The following SLCO3A1 variants were observed in gnomAD, a reference collection of about 807,000 sequenced individuals.
The protein encoded by SLCO3A1 is PGE1 transporter.
SLCO3A1 carries 27 observed loss-of-function variants against 63.1 expected under a neutral mutation model. The observed-to-expected ratio is 0.43, with a 90% CI of 0.32 to 0.59. The LOEUF (loss-of-function observed/expected upper bound fraction) is 0.59, where lower values mean the gene tolerates loss of function less well. SLCO3A1 is among the 20% of genes least tolerant of loss of function. SLCO3A1 has a pLI of 0.09. For missense variants in SLCO3A1, 773 were observed against 945.8 expected (o/e 0.82, Z 2.40); for synonymous variants, 473 against 409.9 (o/e 1.15, Z -1.86).
At chr15:92,093,003 A>G in intron 2 of SLCO3A1, among the ~76,000 whole-genome samples, 1 of 152,116 alleles carries the variant, frequency 6.6e-6, no homozygotes, top group Admixed American at 6.5e-5. Flanking sequence ...CTGAGGGTGG[A>G]CTCAGCCCTG....
At chr15:92,124,898 A>G (rs2047903322) in intron 5 of SLCO3A1, among the ~76,000 whole-genome samples, 1 of 152,096 alleles carries the variant, frequency 6.6e-6, no homozygotes, top group Non-Finnish European at 1.5e-5. Flanking sequence ...TAGGGAGAGA[A>G]AGGAGGGACA....
intron 3 of SLCO3A1, among the ~76,000 whole-genome samples, chr15:92,101,968 T>C (rs1397296761): frequency 6.6e-6 from 1 of 152,124 alleles, no homozygotes. Flanking sequence ...TCGCCATCCC[T>C]CTCCCTGGGT....
chr15:91,870,735 C>T (rs1354961910), intron 1 of SLCO3A1, among the ~76,000 whole-genome samples: 3 of 152,114 alleles, frequency 2.0e-5, no homozygotes, highest in Non-Finnish European at 4.4e-5. Flanking sequence ...CTGCATTCAC[C>T]ATGTTTATTT....
At chr15:92,169,204 A>C (rs1031940141), downstream of SLCO3A1, among the ~76,000 whole-genome samples, 1 of 152,230 alleles carries the variant, frequency 6.6e-6, no homozygotes, top group Non-Finnish European at 1.5e-5. Context: ...CAGGGGAAGA[A>C]AATGAGACTC....
intron 1 of SLCO3A1, among the ~76,000 whole-genome samples, chr15:91,874,003 C>T (rs28475884): frequency 7.2e-5 from 11 of 151,770 alleles, no homozygotes; most frequent in Non-Finnish European, 1.5e-4. Context: ...TAGTAGTCCC[C>T]CTTGCTCTTG....
At chr15:91,901,608 C>A (rs1359376141) in intron 1 of SLCO3A1, among the ~76,000 whole-genome samples, 1 of 152,168 alleles carries the variant, frequency 6.6e-6, no homozygotes, top group African/African-American at 2.4e-5. Context: ...CAAATGAAAG[C>A]TTTGCCGGAT....
chr15:91,888,842 C>CA (rs955929805), intron 1 of SLCO3A1, among the ~76,000 whole-genome samples: 8 of 151,130 alleles, frequency 5.3e-5, no homozygotes, highest in East Asian at 3.9e-4. Flanking sequence ...CAAAACAAAA[C>CA]AAAAAAAACA....
At chr15:91,915,686 G>A (rs1199395287) in intron 1 of SLCO3A1, among the ~76,000 whole-genome samples, 1 of 152,100 alleles carries the variant, frequency 6.6e-6, no homozygotes, top group Non-Finnish European at 1.5e-5. Flanking sequence ...GAGGTCTGTG[G>A]GGGTGGGGAA....
At chr15:91,973,039 C>T (rs1204956270) in intron 2 of SLCO3A1, among the ~76,000 whole-genome samples, 7 of 152,138 alleles carry the variant, frequency 4.6e-5, no homozygotes, top group South Asian at 2.1e-4. Context: ...CGCTTGAACC[C>T]GGGAGGCAGA....
At chr15:92,158,882 A>G (rs1035240519) in intron 9 of SLCO3A1, among the ~76,000 whole-genome samples, 1 of 152,228 alleles carries the variant, frequency 6.6e-6, no homozygotes, top group Non-Finnish European at 1.5e-5. Context: ...AATTTGATGG[A>G]AAAGAAAGCC....
At chr15:92,126,623 A>G (rs182748778) in intron 6 of SLCO3A1, among the ~76,000 whole-genome samples, 17 of 152,350 alleles carry the variant, frequency 1.1e-4, no homozygotes, top group Admixed American at 3.9e-4. Flanking sequence ...ACAATTCCTT[A>G]AACTATCAGA....
chr15:92,150,262 C>G (rs542670831), intron 8 of SLCO3A1, among the ~76,000 whole-genome samples: 1 of 152,324 alleles, frequency 6.6e-6, no homozygotes, highest in South Asian at 2.1e-4. Context: ...GCTGTGCTGG[C>G]AGCTAATTAG....
In SLCO3A1 at chr15:92,164,504, C is replaced by T; in HGVS notation, c.*1369C>T. 1 of 985,356 alleles carries T rather than the reference C, an allele frequency of 1.0e-6. No homozygotes were observed. Among genetic ancestry groups the T allele is most frequent in the Non-Finnish European group, 1.2e-6 (1 of 829,926 alleles). 61.0% of individuals were successfully genotyped at this position (985,356 alleles called of 1,614,324 possible). ...ACATTCCAAGAGGCGTTCTTTTCAG[C>T]CTGTGGAGGAGACACTCTTAGATGT... On this transcript the variant is annotated 3_prime_UTR_variant, in exon 10 of 10. Transcript: ENST00000318445.
rs945686181 is a variant in SLCO3A1, at chr15:91,886,762, T to C, written c.181-29231T>C. Among the ~76,000 whole-genome samples, 1 of 152,210 alleles carries C rather than the reference T, an allele frequency of 6.6e-6. No individual in the cohort carries two copies. The highest frequency in any genetic ancestry group is 6.5e-5 in the Admixed American group (1 of 15,282). ...ATTCAGGGGTACGATGTGATGGCCC[T>C]CTGTTGATTCTCTTTAAAAGTTGTG... On this transcript the variant is annotated intron_variant, in intron 1 of 9. Coordinates refer to ENST00000318445, the MANE Select transcript of SLCO3A1 (RefSeq NM_013272.4). The surrounding 1 kb of genome is among the most constrained non-coding windows in gnomAD (Gnocchi z 4.9).
chr15:92,042,909 G>T (rs1400786), intron 2 of SLCO3A1, among the ~76,000 whole-genome samples: 119,654 of 151,918 alleles, frequency 0.79, 47,235 homozygotes, highest in Admixed American at 0.88. Flanking sequence ...ATCAGCAGGT[G>T]TTAAGGTGTG....
At chr15:92,023,265 A>G (rs996024769) in intron 2 of SLCO3A1, among the ~76,000 whole-genome samples, 2 of 152,198 alleles carry the variant, frequency 1.3e-5, no homozygotes, top group Non-Finnish European at 2.9e-5. Context: ...TCTTTACAGA[A>G]CATACAAGGA....
downstream of SLCO3A1, among the ~76,000 whole-genome samples, chr15:92,169,208 G>C (rs79782804): frequency 1.8e-3 from 279 of 152,330 alleles, 1 homozygote; most frequent in Middle Eastern, 3.4e-3. Flanking sequence ...GGAAGAAAAT[G>C]AGACTCGGAA....
At chr15:92,106,814 G>A (rs1477685808) in intron 4 of SLCO3A1, among the ~76,000 whole-genome samples, 4 of 152,280 alleles carry the variant, frequency 2.6e-5, no homozygotes, top group Non-Finnish European at 4.4e-5. Flanking sequence ...GAAGCCCACC[G>A]CTCCTGGGCT....
At chr15:92,147,942 C>T (rs1159223426) in intron 8 of SLCO3A1, among the ~76,000 whole-genome samples, 1 of 152,186 alleles carries the variant, frequency 6.6e-6, no homozygotes, top group Non-Finnish European at 1.5e-5. Context: ...ATCAGCTGGG[C>T]ATGGTGGCTC....
Sources: gnomAD v4.1 joint callset for allele counts (sites outside exome capture counted in the v4.1 genomes callset) on GRCh38, gnomAD v4.1.1 for gene constraint, Gnocchi (gnomAD v3.1) non-coding constraint, MANE v1.5 for transcripts, NCBI Gene and HGNC (gene_info 2026-07-23, HGNC 2026-07-21) for gene names.